The following CNTNAP4 variants were observed in gnomAD, a reference collection of about 807,000 sequenced individuals.
CNTNAP4 encodes the protein contactin associated protein family member 4, also known as contactin-associated protein-like 4.
A neutral mutation model predicts 148.4 loss-of-function variants in CNTNAP4; 98 were observed. The ratio of observed to expected loss-of-function variants is 0.66; its 90% CI spans 0.56 to 0.78. The LOEUF (loss-of-function observed/expected upper bound fraction) is 0.78. Among genes scored for constraint, CNTNAP4 ranks in the 30% least tolerant of loss-of-function variants. The pLI is 0.00. For synonymous variants in CNTNAP4, 730 were observed against 565.1 expected (o/e 1.29, Z -4.14); for missense variants, 1,935 against 1,565.6 (o/e 1.24, Z -3.98).
chr16:76,447,892 A>G (rs1237682410), intron 4 of CNTNAP4, 120 bp from the exon 5 acceptor site: 3 of 653,388 alleles, frequency 4.6e-6, no homozygotes, highest in African/African-American at 3.6e-5. Flanking sequence ...GTTGAGGAGC[A>G]TCTGTATATG....
chr16:76,315,409 C>T (rs368688837), intron 1 of CNTNAP4, among the ~76,000 whole-genome samples: 9 of 152,172 alleles, frequency 5.9e-5, no homozygotes, highest in Admixed American at 2.6e-4. Context: ...TTCAAATATA[C>T]GTCTAATGAC....
chr16:76,516,648 G>A (rs372491493), intron 15 of CNTNAP4, among the ~76,000 whole-genome samples: 6 of 152,236 alleles, frequency 3.9e-5, no homozygotes, highest in South Asian at 2.1e-4. Flanking sequence ...TGAAAGCTAC[G>A]TAGGTGTCCT....
chr16:76,337,775 A>T (rs1036983614), intron 2 of CNTNAP4, among the ~76,000 whole-genome samples: 9 of 152,030 alleles, frequency 5.9e-5, no homozygotes, highest in Non-Finnish European at 8.8e-5. Flanking sequence ...CCGTCCATAG[A>T]CCTACCCCTG....
chr16:76,461,917 A>G, intron 8 of CNTNAP4, 39 bp from the exon 9 acceptor site: 1 of 1,595,762 alleles, frequency 6.3e-7, no homozygotes, highest in Non-Finnish European at 8.6e-7. Context: ...TATAGTGTTC[A>G]CTATTGAGAG....
intron 15 of CNTNAP4, among the ~76,000 whole-genome samples, 163 bp downstream of exon 15, chr16:76,498,857 A>C (rs1354460009): frequency 6.6e-6 from 1 of 152,140 alleles, no homozygotes. Flanking sequence ...TTAGTAGTCA[A>C]ATTCATAGAC....
intron 15 of CNTNAP4, among the ~76,000 whole-genome samples, chr16:76,499,735 CT>C (rs1173861498): frequency 6.6e-6 from 1 of 150,388 alleles, no homozygotes; most frequent in Non-Finnish European, 1.5e-5. Flanking sequence ...TCCCTGGGTA[CT>C]TGAGATTAGG....
At position 76,518,041 on chromosome 16, in the gene CNTNAP4, G is replaced by A. The variant is rs577952655; in HGVS notation, c.2366-3099G>A. Among the ~76,000 whole-genome samples, 21 of 151,896 alleles carry A rather than the reference G, an allele frequency of 1.4e-4. No individual in the cohort carries two copies. In the South Asian group the frequency reaches 3.5e-3, roughly 26 times the overall value. The stretch of plus-strand genomic sequence containing the variant: ...TACTTAGTACATCTTCCTCTTTTAC[G>A]TGAATGACTATATGGATTTATTCTT... On this transcript the variant is annotated intron_variant, in intron 15 of 23. Transcript: ENST00000611870.
At chr16:76,557,160 C>G (rs2085231455) in intron 23 of CNTNAP4, among the ~76,000 whole-genome samples, 1 of 152,172 alleles carries the variant, frequency 6.6e-6, no homozygotes, top group African/African-American at 2.4e-5. Flanking sequence ...CTCTCACACT[C>G]TTGGCGGCAG....
chr16:76,512,749 G>A (rs1469969620), intron 15 of CNTNAP4, among the ~76,000 whole-genome samples: 1 of 152,108 alleles, frequency 6.6e-6, no homozygotes, highest in East Asian at 1.9e-4. Flanking sequence ...TGGATAAATT[G>A]ACGAGGTGAA....
At position 76,553,286 on chromosome 16, in the gene CNTNAP4, A is replaced by G. The variant is rs199887383; in HGVS notation, c.3446A>G (p.His1149Arg). ...KSLVLGRILE[H>R]SDVDQDTALA... ...CGGTGTTTCTTTGAATTTCTAGAAC[A>G]CAGTGATGTGGACCAGGATACTGCA... The change falls in exon 22 of 24, where the codon CAC becomes CGC. Residue 1149 changes from histidine to arginine, a missense_variant. Coordinates refer to ENST00000611870, the MANE Select transcript of CNTNAP4 (RefSeq NM_033401.5). 29 of 1,583,844 alleles carry G rather than the reference A, an allele frequency of 1.8e-5. No individual in the cohort carries two copies. The African/African-American group carries it at 3.1e-4, about 17-fold the overall frequency.
At position 76,559,866 on chromosome 16, in the gene CNTNAP4, A is replaced by G. The variant is rs994823147; in HGVS notation, c.*1183A>G. Among the ~76,000 whole-genome samples the G allele has an allele frequency of 4.6e-5, 7 of 152,316 alleles. No homozygotes were observed. Among genetic ancestry groups the G allele is most frequent in the South Asian group, 2.1e-4 (1 of 4,830 alleles). Reference sequence around the variant, plus strand: ...CAACCATCAGTGATCTACACAATCAATAATTAAACAATGCACACTCTAAGG... The same window carrying G: ...CAACCATCAGTGATCTACACAATCAGTAATTAAACAATGCACACTCTAAGG... On this transcript the variant is annotated 3_prime_UTR_variant, in exon 24 of 24. Transcript: ENST00000611870.
At chr16:76,468,628 G>A (rs1165864312) in intron 10 of CNTNAP4, among the ~76,000 whole-genome samples, 2 of 152,076 alleles carry the variant, frequency 1.3e-5, no homozygotes, top group Non-Finnish European at 2.9e-5. Context: ...GGGACTGCAG[G>A]CACACAACAC....
intron 17 of CNTNAP4, among the ~76,000 whole-genome samples, chr16:76,529,520 A>T (rs1019022710): frequency 1.3e-5 from 2 of 152,212 alleles, no homozygotes; most frequent in African/African-American, 4.8e-5. Context: ...TTGTAAACTC[A>T]GCATTTTCGT....
At chr16:76,503,350 A>C (rs1315628537) in intron 15 of CNTNAP4, among the ~76,000 whole-genome samples, 2 of 152,174 alleles carry the variant, frequency 1.3e-5, no homozygotes, top group Admixed American at 1.3e-4. Context: ...TCAGGTTGCC[A>C]TTAAAAGAAG....
chr16:76,441,823 G>A (rs2080053465), intron 4 of CNTNAP4, among the ~76,000 whole-genome samples: 1 of 152,098 alleles, frequency 6.6e-6, no homozygotes, highest in Non-Finnish European at 1.5e-5. Context: ...AGCATTAGTA[G>A]TTAATATTCA....
At chr16:76,386,065 G>A (rs1460704984) in intron 3 of CNTNAP4, among the ~76,000 whole-genome samples, 1 of 152,182 alleles carries the variant, frequency 6.6e-6, no homozygotes, top group Admixed American at 6.5e-5. Context: ...TTGGAAGCAG[G>A]TACGTTGGGC....
chr16:76,378,181 A>AT (rs1228024964), intron 3 of CNTNAP4, among the ~76,000 whole-genome samples: 26 of 152,322 alleles, frequency 1.7e-4, no homozygotes, highest in South Asian at 1.7e-3. Context: ...ATGGGATACA[A>AT]TGTACACTAT....
intron 2 of CNTNAP4, among the ~76,000 whole-genome samples, chr16:76,331,173 TG>T (rs1963475538): frequency 6.6e-6 from 1 of 151,982 alleles, no homozygotes. Flanking sequence ...CATTCTTTTT[TG>T]TTGTTTTCTG....
chr16:76,375,846 A>G (rs762796410), intron 3 of CNTNAP4, among the ~76,000 whole-genome samples: 1 of 152,218 alleles, frequency 6.6e-6, no homozygotes, highest in African/African-American at 2.4e-5. Flanking sequence ...AGCACTAAAA[A>G]GAAAGATGAG....
Sources: allele counts gnomAD v4.1 joint callset (sites outside exome capture counted in the v4.1 genomes callset), GRCh38; gene constraint gnomAD v4.1.1; transcripts MANE v1.5; gene names NCBI Gene and HGNC (gene_info 2026-07-23, HGNC 2026-07-21).